NCKAP5: variants seen among roughly 807,000 people sequenced by gnomAD.
The protein encoded by NCKAP5 is nck-associated protein 5.
In NCKAP5, 92 loss-of-function variants were observed where a neutral mutation model predicts 167.0. The observed-to-expected ratio is 0.55, with a 90% CI of 0.47 to 0.66. The LOEUF is 0.66. NCKAP5 is among the 30% of genes least tolerant of loss of function. NCKAP5 has a pLI of 0.00. For missense variants in NCKAP5, 2,378 were observed against 2,315.0 expected (o/e 1.03, Z -0.56); for synonymous variants, 891 against 877.4 (o/e 1.02, Z -0.27).
chr2:133,563,853 G>A (rs1688356008), intron 1 of NCKAP5, among the ~76,000 whole-genome samples: 1 of 152,158 alleles, frequency 6.6e-6, no homozygotes, highest in African/African-American at 2.4e-5. Context: ...GCACTGTGGG[G>A]TTGAGTGCAG....
At chr2:132,854,800 G>T (rs181208417) in intron 11 of NCKAP5, among the ~76,000 whole-genome samples, 1 of 152,156 alleles carries the variant, frequency 6.6e-6, no homozygotes, top group Non-Finnish European at 1.5e-5. Flanking sequence ...TTTGGTAATC[G>T]AATGAAGAGG....
At chr2:133,314,742 A>G (rs969993031) in intron 3 of NCKAP5, among the ~76,000 whole-genome samples, 1 of 152,310 alleles carries the variant, frequency 6.6e-6, no homozygotes, top group Middle Eastern at 3.4e-3. Flanking sequence ...GAGACAGACA[A>G]AATAAGTGGA....
At chr2:132,764,415 C>T (rs748200339) in intron 16 of NCKAP5, among the ~76,000 whole-genome samples, 9 of 152,198 alleles carry the variant, frequency 5.9e-5, no homozygotes, top group Admixed American at 2.6e-4. Context: ...TGCAATCTCT[C>T]CCTTTTGAGT....
intron 3 of NCKAP5, among the ~76,000 whole-genome samples, chr2:133,451,200 T>G (rs1333248677): frequency 6.6e-6 from 1 of 152,160 alleles, no homozygotes; most frequent in Admixed American, 6.5e-5. Flanking sequence ...AATCAGATAC[T>G]TAAGAGGGAC....
At chr2:133,243,913 C>A (rs2087850423) in intron 4 of NCKAP5, among the ~76,000 whole-genome samples, 1 of 152,198 alleles carries the variant, frequency 6.6e-6, no homozygotes, top group African/African-American at 2.4e-5. Context: ...CCATAGGCCA[C>A]AAGCTGCAAT....
intron 9 of NCKAP5, among the ~76,000 whole-genome samples, chr2:132,875,560 C>T (rs140295643): frequency 6.6e-6 from 1 of 152,312 alleles, no homozygotes; most frequent in East Asian, 1.9e-4. Flanking sequence ...TTGCAGGATA[C>T]AACGGAATCC....
rs1256752277 is a variant in NCKAP5, at chr2:132,782,623, G to A, written c.4188C>T (p.Cys1396=). 1 of 1,599,116 alleles carries A rather than the reference G, an allele frequency of 6.3e-7. No homozygotes were observed. The stretch of plus-strand genomic sequence containing the variant: ...CAAGTACAGCCACATTGGCACTGGG[G>A]CACTCTCCCTGGGTGAAGGCCTGCT... ...EDQQAFTQGE[C]PSANVAVLGE... The change falls in exon 14 of 20, where the codon TGC becomes TGT. Residue 1396 remains cysteine, a synonymous_variant. Transcript: ENST00000409261.
chr2:133,668,302 T>C, the NCKAP5 span, among the ~76,000 whole-genome samples: 3 of 152,086 alleles, frequency 2.0e-5, no homozygotes, highest in East Asian at 5.8e-4. Context: ...TATGTAGGAG[T>C]GGACCTGATG....
intron 6 of NCKAP5, among the ~76,000 whole-genome samples, chr2:133,040,494 G>A (rs1022796117): frequency 1.3e-5 from 2 of 152,004 alleles, no homozygotes; most frequent in Non-Finnish European, 2.9e-5. Context: ...CTATAAACAA[G>A]GTTGGTATAA....
At chr2:132,808,822 T>A (rs1685639036) in intron 11 of NCKAP5, among the ~76,000 whole-genome samples, 1 of 152,156 alleles carries the variant, frequency 6.6e-6, no homozygotes, top group South Asian at 2.1e-4. Context: ...TGAGTTTGGC[T>A]TGTTCTTGTT....
At chr2:133,563,057 C>A (rs945658941) in intron 1 of NCKAP5, among the ~76,000 whole-genome samples, 3 of 152,160 alleles carry the variant, frequency 2.0e-5, no homozygotes, top group Non-Finnish European at 4.4e-5. Context: ...TCAGACTAAA[C>A]CCTTCTGGCT....
At chr2:133,475,866 A>T (rs1231822018) in intron 3 of NCKAP5, among the ~76,000 whole-genome samples, 3 of 152,240 alleles carry the variant, frequency 2.0e-5, no homozygotes, top group Non-Finnish European at 2.9e-5. Context: ...TTTCACATAC[A>T]TGCAATTAAT....
the NCKAP5 span, among the ~76,000 whole-genome samples, chr2:133,590,287 G>A: frequency 2.0e-5 from 3 of 151,854 alleles, no homozygotes; most frequent in Middle Eastern, 3.4e-3. Flanking sequence ...TTAGGAGATC[G>A]AGACCATCCT....
At position 133,504,069 on chromosome 2, in the gene NCKAP5, GA is replaced by G. The variant is rs201102228; in HGVS notation, c.69+13388del. Among the ~76,000 whole-genome samples, 138 of 150,466 alleles carry G rather than the reference GA, an allele frequency of 9.2e-4. 1 individual carries two copies. Among genetic ancestry groups the G allele is most frequent in the Non-Finnish European group, 1.3e-3 (90 of 67,534 alleles). ...GTGATCTGTTTTCCATTTGCAGAGG[GA>G]AAAAAAAAGTCTAATGTTGGAGGTT... is the stretch of plus-strand genomic sequence containing the variant. On this transcript the variant is annotated intron_variant, in intron 3 of 19. Transcript: ENST00000409261.
intron 3 of NCKAP5, among the ~76,000 whole-genome samples, chr2:133,346,536 A>C (rs1224327867): frequency 6.6e-6 from 1 of 152,248 alleles, no homozygotes; most frequent in Non-Finnish European, 1.5e-5. Flanking sequence ...GATTAGTCTC[A>C]TAGCCTCTTA....
intron 2 of NCKAP5, among the ~76,000 whole-genome samples, chr2:133,549,806 G>A (rs2104944509): frequency 6.6e-6 from 1 of 150,606 alleles, no homozygotes; most frequent in Admixed American, 6.6e-5. Flanking sequence ...ATGAATCCAG[G>A]AGCTGGTTTT....
chr2:133,522,282 C>T (rs1015381177), intron 2 of NCKAP5, among the ~76,000 whole-genome samples: 9 of 152,118 alleles, frequency 5.9e-5, no homozygotes, highest in African/African-American at 2.2e-4. Flanking sequence ...CCACCTTATC[C>T]CTCTGGCTCC....
intron 3 of NCKAP5, among the ~76,000 whole-genome samples, chr2:133,467,022 C>G (rs973961970): frequency 2.2e-4 from 33 of 151,840 alleles, no homozygotes; most frequent in African/African-American, 7.5e-4. Context: ...GCCTGATTGC[C>G]CTGGCCAGAA....
chr2:133,420,005 C>A (rs1574923376), intron 3 of NCKAP5, among the ~76,000 whole-genome samples: 1 of 152,278 alleles, frequency 6.6e-6, no homozygotes, highest in South Asian at 2.1e-4. Context: ...AAGTGATGAC[C>A]ATGTTGACAT....
Sources: gnomAD v4.1 joint callset for allele counts (sites outside exome capture counted in the v4.1 genomes callset) on GRCh38, gnomAD v4.1.1 for gene constraint, MANE v1.5 for transcripts, NCBI Gene and HGNC (gene_info 2026-07-23, HGNC 2026-07-21) for gene names.